GNAL: variants seen among roughly 807,000 people sequenced by gnomAD.
The protein encoded by GNAL is G protein subunit alpha L.
GNAL carries 18 observed loss-of-function variants against 55.1 expected under a neutral mutation model. That is an observed-to-expected ratio of 0.33 (90% CI 0.23 to 0.48). The LOEUF is 0.48. Ranked by LOEUF, GNAL falls within the 20% of genes least tolerant of loss-of-function variation. The pLI, the probability that GNAL is intolerant of heterozygous loss-of-function variation, is 0.99. For synonymous variants in GNAL, 253 were observed against 237.0 expected, an observed-to-expected ratio of 1.07 and a Z score of -0.62; for missense variants, 412 against 614.1, an observed-to-expected ratio of 0.67 and a Z score of 3.48.
intron 4 of GNAL, among the ~76,000 whole-genome samples, chr18:11,767,328 ACT>A (rs1192349318): frequency 3.4e-5 from 5 of 146,826 alleles, no homozygotes; most frequent in African/African-American, 1.3e-4. Flanking sequence ...TTGCATGCTT[ACT>A]CTGTGTGCAC....
chr18:11,882,945 G>A lies in GNAL; in HGVS notation c.*1810G>A, dbSNP rs2036743815. On this transcript the variant is annotated 3_prime_UTR_variant, in exon 12 of 12. Transcript: ENST00000334049. ...ATATTCTAGCTGTAGCCACAGAGTT[G>A]AGGGTAGTTTTTGTAGGTCTAAAAT... 1 of 147,386 alleles carries A rather than the reference G, an allele frequency of 6.8e-6. No homozygotes were observed. The highest frequency in any genetic ancestry group is 1.5e-5 in the Non-Finnish European group (1 of 66,030). 9.1% of individuals were successfully genotyped at this position (147,386 alleles called of 1,614,324 possible).
chr18:11,805,803 T>C (rs1033374818), intron 4 of GNAL, among the ~76,000 whole-genome samples: 1 of 152,246 alleles, frequency 6.6e-6, no homozygotes, highest in African/African-American at 2.4e-5. Context: ...ATCACTGTGA[T>C]ACACATATGA....
intron 1 of GNAL, among the ~76,000 whole-genome samples, chr18:11,714,081 CAA>C (rs2031898543): frequency 6.6e-6 from 1 of 152,210 alleles, no homozygotes; most frequent in Non-Finnish European, 1.5e-5. Context: ...AACTGCATCA[CAA>C]AAGTCAGGGA....
intron 4 of GNAL, among the ~76,000 whole-genome samples, chr18:11,767,697 T>G (rs1444808127): frequency 6.6e-6 from 1 of 152,210 alleles, no homozygotes; most frequent in Non-Finnish European, 1.5e-5. Flanking sequence ...CTGTGCATCC[T>G]TGCACTTGCA....
At chr18:11,826,838 G>A (rs1379451837) in intron 5 of GNAL, among the ~76,000 whole-genome samples, 3 of 152,220 alleles carry the variant, frequency 2.0e-5, no homozygotes, top group African/African-American at 7.2e-5. Context: ...TCAGAGCCTG[G>A]AGCTCGGAAG....
At chr18:11,808,285 A>G (rs2034717828) in intron 4 of GNAL, among the ~76,000 whole-genome samples, 2 of 152,088 alleles carry the variant, frequency 1.3e-5, no homozygotes, top group African/African-American at 4.8e-5. Context: ...CTTCCCTCAC[A>G]GTGTGGCCCA....
At chr18:11,831,259 G>A (rs1349063810) in intron 5 of GNAL, among the ~76,000 whole-genome samples, 1 of 152,192 alleles carries the variant, frequency 6.6e-6, no homozygotes, top group Non-Finnish European at 1.5e-5. Flanking sequence ...CGGTCTAGGG[G>A]AGGACTCATG....
intron 4 of GNAL, among the ~76,000 whole-genome samples, chr18:11,820,142 C>T (rs575959454): frequency 1.3e-5 from 2 of 151,926 alleles, no homozygotes; most frequent in South Asian, 2.1e-4. Context: ...TCTGTCTCTG[C>T]GATAAAGGTC....
chr18:11,753,865 C>T lies in GNAL; in HGVS notation c.544C>T (p.Pro182Ser). 6.2e-7 allele frequency: 1 copy of T among 1,608,834 alleles called. No individual in the cohort carries two copies. The highest frequency in any genetic ancestry group is 8.5e-7 in the Non-Finnish European group (1 of 1,175,218). The change falls in exon 4 of 12, where the codon CCG becomes TCG. Residue 182 changes from proline to serine, a missense_variant. This residue lies in a region of GNAL where 47 missense variants were observed against 82.7 expected (regional missense o/e 0.57). Transcript: ENST00000334049. Reference sequence around the variant, plus strand: ...AATGAGTACTATAATACCTCCAGTTCCGCTGGCCAACCCTGAAAACCAATT... The same window carrying T: ...AATGAGTACTATAATACCTCCAGTTTCGCTGGCCAACCCTGAAAACCAATT... The part of the protein sequence containing the change: ...SAMSTIIPPV[P>S]LANPENQFRS...
intron 1 of GNAL, among the ~76,000 whole-genome samples, chr18:11,717,263 GCACCTCTCCCTCCCCGCCTCTCCCTCCA>G (rs1251273649): frequency 6.6e-6 from 1 of 152,180 alleles, no homozygotes; most frequent in African/African-American, 2.4e-5. Flanking sequence ...TGTTCCCCCG[GCACCTCTCCCTCCCCGCCTCTCCCTCCA>G]CACCTCCCCG....
chr18:11,753,624 A>T lies in GNAL; in HGVS notation c.450-4A>T. 6.4e-7 allele frequency: 1 copy of T among 1,558,786 alleles called. No individual in the cohort carries two copies. Among genetic ancestry groups the T allele is most frequent in the Non-Finnish European group, 8.9e-7 (1 of 1,129,780 alleles). On this transcript the variant is annotated splice_polypyrimidine_tract_variant and splice_region_variant and intron_variant, in intron 2 of 11. Coordinates refer to ENST00000334049, the MANE Select transcript of GNAL (RefSeq NM_182978.4). ...AAGCTAATAACAACTCTCTTTCAAT[A>T]CAGGGAAAAGAAACAGAAAATTCTG...
chr18:11,870,794 T>C (rs758822034), intron 9 of GNAL, among the ~76,000 whole-genome samples: 1 of 152,220 alleles, frequency 6.6e-6, no homozygotes, highest in East Asian at 1.9e-4. Flanking sequence ...AGAGGAAACA[T>C]AAGTTTACCT....
chr18:11,711,850 T>C (rs2031846642), intron 1 of GNAL, among the ~76,000 whole-genome samples: 1 of 152,236 alleles, frequency 6.6e-6, no homozygotes, highest in Admixed American at 6.5e-5. Context: ...CCAGTCCTTA[T>C]GGCTTTAGCA....
At chr18:11,841,433 GT>G (rs2035610660) in intron 5 of GNAL, among the ~76,000 whole-genome samples, 1 of 151,986 alleles carries the variant, frequency 6.6e-6, no homozygotes, top group Non-Finnish European at 1.5e-5. Flanking sequence ...ATCACCTGGG[GT>G]CAGGAGTTCA....
At chr18:11,690,066 G>C in intron 1 of GNAL, 127 bp downstream of exon 1, 1 of 465,260 alleles carries the variant, frequency 2.1e-6, no homozygotes, top group South Asian at 9.9e-5. Context: ...TGAATCCCGG[G>C]ACTGGACCCG....
rs1568018553 is a variant in GNAL, at chr18:11,768,984, ATTC to A, written c.624+15041_624+15043del. 3.1e-5 allele frequency among the ~76,000 whole-genome samples: 3 copies of A among 97,390 alleles called. 1 individual carries two copies. The highest frequency in any genetic ancestry group is 2.1e-4 in the African/African-American group (3 of 14,492). 63.9% of individuals were successfully genotyped at this position (97,390 alleles called of 152,430 possible). A position where few individuals can be genotyped will look rare whatever the true frequency, so the allele number is the denominator to read the frequency against. ...ATATAATATATTATATATATTATAT[ATTC>A]TATATTATAATATAGAATATATATA... On this transcript the variant is annotated intron_variant, in intron 4 of 11. Transcript: ENST00000334049.
chr18:11,800,398 T>C (rs111546478), intron 4 of GNAL, among the ~76,000 whole-genome samples: 39 of 152,304 alleles, frequency 2.6e-4, no homozygotes, highest in African/African-American at 8.9e-4. Flanking sequence ...ACATGTACAT[T>C]GCTTATTATC....
intron 4 of GNAL, among the ~76,000 whole-genome samples, chr18:11,758,679 A>C (rs1443286947): frequency 6.6e-6 from 1 of 152,224 alleles, no homozygotes; most frequent in Non-Finnish European, 1.5e-5. Context: ...CAGTTGCCTG[A>C]TTAGAGTTTT....
At position 11,884,284 on chromosome 18, in the gene GNAL, A is replaced by T; in HGVS notation, c.*3149A>T. ...ACTTTTATAGCATGAGAACAGTACA[A>T]TCAACTATTTATTTTGCAGTTACTC... is the stretch of plus-strand genomic sequence containing the variant. On this transcript the variant is annotated 3_prime_UTR_variant, in exon 12 of 12. Coordinates refer to ENST00000334049, the MANE Select transcript of GNAL (RefSeq NM_182978.4). The T allele has an allele frequency of 1.5e-6, 1 of 680,746 alleles. No individual in the cohort carries two copies. The allele number at this position is 680,746 out of a possible 1,614,324, so 42.2% of individuals were successfully genotyped here. A position where few individuals can be genotyped will look rare whatever the true frequency, so the allele number is the denominator to read the frequency against.
Sources: gnomAD v4.1 joint callset for allele counts (sites outside exome capture counted in the v4.1 genomes callset) on GRCh38, gnomAD v4.1.1 for gene constraint, gnomAD v4.1.1 regional missense constraint, MANE v1.5 for transcripts, NCBI Gene and HGNC (gene_info 2026-07-23, HGNC 2026-07-21) for gene names.